CABIN1: variants seen among roughly 807,000 people sequenced by gnomAD.
The protein encoded by CABIN1 is calcineurin binding protein 1, also known as calcineurin-binding protein cabin-1.
Under a neutral mutation model 227.7 loss-of-function variants are expected in CABIN1, and 133 were observed. The ratio of observed to expected loss-of-function variants is 0.58; its 90% CI spans 0.51 to 0.67. The LOEUF is 0.67. Ranked by LOEUF, CABIN1 falls within the 30% of genes least tolerant of loss-of-function variation. The probability of loss-of-function intolerance (pLI) is 0.00; values close to 1 mark genes in which losing one functional copy is unlikely to be tolerated. For missense variants in CABIN1, 2,408 were observed against 2,852.5 expected (o/e 0.84, Z 3.55); for synonymous variants, 1,086 against 1,155.1 (o/e 0.94, Z 1.21).
chr22:24,171,956 A>G lies in CABIN1; in HGVS notation c.6001A>G (p.Arg2001Gly). Reference protein sequence around the residue: ...SKDPGPPRPHRPEATPSMASL... With the variant: ...SKDPGPPRPHGPEATPSMASL... ...GGACCCTGGGCCTCCCCGGCCACACAGGCCTGAAGCTACCCCCAGCATGGC... is the reference window on the plus strand; with the variant it reads ...GGACCCTGGGCCTCCCCGGCCACACGGGCCTGAAGCTACCCCCAGCATGGC... Residue 2001 changes from arginine to glycine, a missense_variant, in exon 34 of 37, where the codon AGG (arginine) becomes GGG (glycine). Arg to Gly is a moderately radical substitution (Grantham distance 125). Coordinates refer to ENST00000263119, the MANE Select transcript of CABIN1 (RefSeq NM_012295.4). The G allele has an allele frequency of 6.2e-7, 1 of 1,613,422 alleles. No individual in the cohort carries two copies. Among genetic ancestry groups the G allele is most frequent in the Non-Finnish European group, 8.5e-7 (1 of 1,180,016 alleles).
chr22:24,072,499 C>G lies in CABIN1; in HGVS notation c.2621C>G (p.Pro874Arg). ...TGCCACCAGCAGCAGCTCCAAAACC[C>G]AGCGGAGGAAGGTGCACAGGCAGTG... ...SLCHQQQLQN[P>R]AEEGMSETPM... The change falls in exon 18 of 37, where the codon CCA (proline) becomes CGA (arginine). Residue 874 changes from proline to arginine, a missense_variant. Around this residue, in one of 3 missense-constraint regions of CABIN1, gnomAD observed 1,045 missense variants for 1,168.4 expected, o/e 0.89. Coordinates refer to ENST00000263119, the MANE Select transcript of CABIN1 (RefSeq NM_012295.4). The G allele has an allele frequency of 6.2e-7, 1 of 1,614,194 alleles. No individual in the cohort carries two copies. Among genetic ancestry groups the G allele is most frequent in the Non-Finnish European group, 8.5e-7 (1 of 1,180,050 alleles).
chr22:24,059,917 C>G lies in CABIN1; in HGVS notation c.1400-7C>G, dbSNP rs200015204. On this transcript the variant is annotated splice_polypyrimidine_tract_variant and splice_region_variant and intron_variant, in intron 11 of 36. Transcript: ENST00000263119. ...TTCAAGTCAGGTTGTTCTTGCTCCC[C>G]GGGCAGAAAAGCAGGACGTGCATGA... 112 of 1,613,700 alleles carry G rather than the reference C, an allele frequency of 6.9e-5. 2 individuals carry two copies. The Admixed American group carries it at 1.7e-3, about 24-fold the overall frequency.
chr22:24,063,248 G>GTA lies in CABIN1; in HGVS notation c.1884+103_1884+104insAT, dbSNP rs935688247. On this transcript the variant is annotated intron_variant, in intron 14 of 36. Coordinates refer to ENST00000263119, the MANE Select transcript of CABIN1 (RefSeq NM_012295.4). ...GGTGTGTGTGTGTATGTGTGTGTGT[G>GTA]TGTGTGTGTGCATGCATGTGTACAT... 4 of 1,197,852 alleles carry GTA rather than the reference G, an allele frequency of 3.3e-6. No homozygotes were observed. In the African/African-American group the frequency reaches 6.0e-5, roughly 18 times the overall value. 74.2% of individuals were successfully genotyped at this position (1,197,852 alleles called of 1,614,324 possible).
At position 24,113,608 on chromosome 22, in the gene CABIN1, G is replaced by A. The variant is rs1396667691; in HGVS notation, c.4160G>A (p.Ser1387Asn). 3.1e-6 allele frequency: 5 copies of A among 1,613,998 alleles called. No individual in the cohort carries two copies. The highest frequency in any genetic ancestry group is 2.2e-5 in the South Asian group (2 of 91,094). The change falls in exon 27 of 37, where the codon AGC becomes AAC. Residue 1387 changes from serine to asparagine, a missense_variant. Around this residue, in one of 3 missense-constraint regions of CABIN1, gnomAD observed 649 missense variants for 910.3 expected, o/e 0.71. Transcript: ENST00000263119. ...DSTAVALSDSSSTQDFFNEPT... is the reference protein window; with the variant it reads ...DSTAVALSDSNSTQDFFNEPT... ...ACAGCCGTAGCACTCTCAGACTCTA[G>A]CTCAACGCAGGACTTCTTTAATGAG...
chr22:24,039,754 GT>G (rs1299120563), intron 4 of CABIN1, among the ~76,000 whole-genome samples: 1 of 152,230 alleles, frequency 6.6e-6, no homozygotes, highest in African/African-American at 2.4e-5. Context: ...TTAAAAGGTT[GT>G]TTCAGCCTTA....
chr22:24,053,558 T>C (rs184578412), intron 8 of CABIN1, among the ~76,000 whole-genome samples: 4 of 151,988 alleles, frequency 2.6e-5, no homozygotes, highest in East Asian at 3.9e-4. Context: ...TTGGTATTTC[T>C]AGTAGAAACA....
intron 3 of CABIN1, among the ~76,000 whole-genome samples, chr22:24,037,208 T>G (rs1412069059): frequency 1.4e-5 from 2 of 138,688 alleles, no homozygotes; most frequent in African/African-American, 5.5e-5. Flanking sequence ...TGCAGCGAGC[T>G]GAGATCATGC....
rs371176122 is a variant in CABIN1 at position 24,125,844 on chromosome 22, T to C, written c.4632+6146T>C. ...GATATTTTTCTGAACTTAGGAATCT[T>C]GATTTTGTATTTCAGTCTGTCTGCC... On this transcript the variant is annotated intron_variant, in intron 28 of 36. Coordinates refer to ENST00000263119, the MANE Select transcript of CABIN1 (RefSeq NM_012295.4). Among the ~76,000 whole-genome samples, 91 of 152,324 alleles carry C rather than the reference T, an allele frequency of 6.0e-4. 1 individual carries two copies. In the South Asian group the frequency reaches 0.018, roughly 30 times the overall value.
intron 17 of CABIN1, among the ~76,000 whole-genome samples, chr22:24,071,758 G>T (rs1280671269): frequency 2.0e-5 from 3 of 152,156 alleles, no homozygotes; most frequent in Non-Finnish European, 4.4e-5. Flanking sequence ...TCCAGGTTGT[G>T]TGTCACTTAA....
At position 24,085,049 on chromosome 22, in the gene CABIN1, TG is replaced by T; in HGVS notation, c.3162del (p.Asn1055ThrfsTer53). 1 of 1,614,202 alleles carries T rather than the reference TG, an allele frequency of 6.2e-7. No individual in the cohort carries two copies. On this transcript the variant is annotated frameshift_variant, in exon 22 of 37. Transcript: ENST00000263119. LOFTEE classifies it high-confidence loss of function. ...PEGADPSPPVVNELYYLLADY... is the reference protein window; with the variant it reads ...PEGADPSPPVXNELYYLLADY... ...GGGGCTGACCCCTCCCCTCCAGTGG[TG>T]AACGAGCTTTACTACCTCCTGGCTG...
intron 1 of CABIN1, among the ~76,000 whole-genome samples, chr22:24,033,026 C>T (rs2146886956): frequency 6.6e-6 from 1 of 152,268 alleles, no homozygotes; most frequent in Middle Eastern, 3.4e-3. Flanking sequence ...TGCAGTGAGC[C>T]GAGATCGCGC....
intron 1 of CABIN1, among the ~76,000 whole-genome samples, chr22:24,019,650 C>CTTTTTTTTTTTT (rs34361694): frequency 9.2e-5 from 8 of 87,022 alleles, no homozygotes; most frequent in Admixed American, 1.3e-4. Context: ...TTTCTTTACC[C>CTTTTTTTTTTTT]TTTTTTTTTT....
chr22:24,157,870 CT>C (rs917936090), intron 29 of CABIN1, among the ~76,000 whole-genome samples: 36 of 152,274 alleles, frequency 2.4e-4, no homozygotes, highest in African/African-American at 7.5e-4. Context: ...GGGGAGGCCC[CT>C]AATCTCCTCT....
chr22:24,169,081 G>T (rs193080594), intron 33 of CABIN1, among the ~76,000 whole-genome samples: 1 of 151,946 alleles, frequency 6.6e-6, no homozygotes, highest in Non-Finnish European at 1.5e-5. Flanking sequence ...AGGGGGGGGC[G>T]GGGTCCAAGA....
intron 21 of CABIN1, 71 bp downstream of exon 21, chr22:24,084,856 A>G (rs2041045547): frequency 6.4e-7 from 1 of 1,571,012 alleles, no homozygotes; most frequent in East Asian, 2.2e-5. Context: ...ACTGCTGTAT[A>G]TGCTCCTTTG....
Position 24,113,730 on chromosome 22 carries a change from G to A in CABIN1, c.4282G>A (p.Gly1428Arg). 1 of 1,613,800 alleles carries A rather than the reference G, an allele frequency of 6.2e-7. No individual in the cohort carries two copies. Among genetic ancestry groups the A allele is most frequent in the East Asian group, 2.2e-5 (1 of 44,882 alleles). Reference sequence around the variant, plus strand: ...AGGAGCGACGGGTAAAGATCTTCAGGGGGCCACAGAAGAAAGAGGTATGAA... The same window carrying A: ...AGGAGCGACGGGTAAAGATCTTCAGAGGGCCACAGAAGAAAGAGGTATGAA... ...QAGATGKDLQ[G>R]ATEERGKNEE... The change falls in exon 27 of 37, where the codon GGG becomes AGG. Residue 1428 changes from glycine to arginine, a missense_variant. Gly to Arg is a moderately radical substitution (Grantham distance 125). Around this residue, in one of 3 missense-constraint regions of CABIN1, gnomAD observed 649 missense variants for 910.3 expected, o/e 0.71. Coordinates refer to ENST00000263119, the MANE Select transcript of CABIN1 (RefSeq NM_012295.4).
rs375414918 is a variant in CABIN1, at chr22:24,096,102, C to T, written c.3938+20C>T. On this transcript the variant is annotated intron_variant, in intron 25 of 36. Transcript: ENST00000263119. ...AGAAAAGTGAGTAGCACCCTTCAGG[C>T]GACCCCTAGCAGCTTACCCCATCTG... The T allele has an allele frequency of 4.5e-5, 72 of 1,613,502 alleles. No homozygotes were observed. In the African/African-American group the frequency reaches 8.3e-4, roughly 19 times the overall value.
chr22:24,154,071 G>C (rs762395945), intron 29 of CABIN1, among the ~76,000 whole-genome samples: 1 of 152,220 alleles, frequency 6.6e-6, no homozygotes, highest in Non-Finnish European at 1.5e-5. Context: ...GGTGCTGCCC[G>C]TGATGGACCT....
In CABIN1 at chr22:24,050,981, T is replaced by C. The variant is rs1444185994; in HGVS notation, c.806+7T>C. ...AGCCCATTCCTTTCTTCACGTAGGT[T>C]GTCTAGCGTCTCTGGGAGTGCTGGG... On this transcript the variant is annotated splice_region_variant and intron_variant, in intron 8 of 36. Coordinates refer to ENST00000263119, the MANE Select transcript of CABIN1 (RefSeq NM_012295.4). 5 of 1,613,998 alleles carry C rather than the reference T, an allele frequency of 3.1e-6. No individual in the cohort carries two copies. Among genetic ancestry groups the C allele is most frequent in the Admixed American group, 1.7e-5 (1 of 60,004 alleles).
Sources: gnomAD v4.1 joint callset for allele counts (sites outside exome capture counted in the v4.1 genomes callset) on GRCh38, gnomAD v4.1.1 for gene constraint, gnomAD v4.1.1 regional missense constraint, MANE v1.5 for transcripts, NCBI Gene and HGNC (gene_info 2026-07-23, HGNC 2026-07-21) for gene names.